Variants in MYH16 observed in about 807,000 individuals in gnomAD.
The protein encoded by MYH16 is putative uncharacterized protein MYH16.
chr7:99,309,366 GT>G (rs1562789731), downstream of MYH16, among the ~76,000 whole-genome samples: 12 of 152,156 alleles, frequency 7.9e-5, no homozygotes. Flanking sequence ...GTCAGTTTGG[GT>G]TTTGGCCAAA....
chr7:99,258,397 C>T, intron 11 of MYH16: 1 of 155,846 alleles, frequency 6.4e-6, no homozygotes. Flanking sequence ...TGAGGTGTGC[C>T]TGGCCTTGCA....
chr7:99,282,190 T>G (rs1243497393), intron 23 of MYH16, among the ~76,000 whole-genome samples: 1 of 95,620 alleles, frequency 1.0e-5, no homozygotes, highest in Non-Finnish European at 1.7e-5. Context: ...ACCCAGCTAA[T>G]TTTTTTTGTA....
intron 32 of MYH16, among the ~76,000 whole-genome samples, chr7:99,293,734 C>T (rs777772500): frequency 6.6e-6 from 1 of 152,198 alleles, no homozygotes; most frequent in Non-Finnish European, 1.5e-5. Flanking sequence ...CCAGAACAAA[C>T]ATTTCGTTTG....
At chr7:99,287,725 T>C in intron 28 of MYH16, 167 bp from the exon 10 acceptor site, 1 of 356,510 alleles carries the variant, frequency 2.8e-6, no homozygotes, top group Non-Finnish European at 5.6e-6. Flanking sequence ...TCTAAACAAA[T>C]CCTGTGGGCA....
intron 33 of MYH16, 111 bp from the exon 15 acceptor site, chr7:99,296,590 G>C: frequency 2.5e-6 from 1 of 407,528 alleles, no homozygotes; most frequent in South Asian, 1.8e-5. Context: ...GGAGTCCGTA[G>C]TCTCAAGAGT....
At chr7:99,249,577 T>G (rs1327892343) in intron 4 of MYH16, among the ~76,000 whole-genome samples, 1 of 139,256 alleles carries the variant, frequency 7.2e-6, no homozygotes, top group Non-Finnish European at 1.5e-5. Flanking sequence ...GTGCTGTTTT[T>G]TTTTTTTTTT....
At chr7:99,304,147 G>A (rs1257970108) in intron 39 of MYH16, among the ~76,000 whole-genome samples, 2 of 152,172 alleles carry the variant, frequency 1.3e-5, no homozygotes, top group East Asian at 1.9e-4. Context: ...GCCCATGTCC[G>A]GCCCACGGTA....
chr7:99,303,900 T>C (rs549695291), intron 39 of MYH16, among the ~76,000 whole-genome samples: 3 of 152,208 alleles, frequency 2.0e-5, no homozygotes, highest in Non-Finnish European at 2.9e-5. Flanking sequence ...GAGGAGGACA[T>C]TGGTGGATGA....
intron 36 of MYH16, among the ~76,000 whole-genome samples, chr7:99,298,765 C>A (rs1372154661): frequency 7.9e-6 from 1 of 126,238 alleles, no homozygotes; most frequent in Non-Finnish European, 1.5e-5. Context: ...GTTGTCTTGT[C>A]GCTTTTTTTT....
At chr7:99,268,173 CTGTT>C (rs999788080) in intron 18 of MYH16, among the ~76,000 whole-genome samples, 1 of 152,210 alleles carries the variant, frequency 6.6e-6, no homozygotes, top group African/African-American at 2.4e-5. Flanking sequence ...CCTGCTGGAA[CTGTT>C]TGTTTTGGCA....
chr7:99,248,161 A>G (rs1170053682), intron 3 of MYH16, among the ~76,000 whole-genome samples: 3 of 151,842 alleles, frequency 2.0e-5, no homozygotes. Context: ...CTGGAGTGCA[A>G]TGGTGCAATA....
exon 22 of MYH16, chr7:99,279,674 C>T (rs1238809200): frequency 4.4e-6 from 2 of 456,538 alleles, no homozygotes; most frequent in Admixed American, 2.3e-5. Context: ...GGGAGCTGAG[C>T]GACCTGAAGC....
intron 2 of MYH16, among the ~76,000 whole-genome samples, chr7:99,246,721 A>G (rs1791735920): frequency 6.6e-6 from 1 of 151,926 alleles, no homozygotes. Context: ...TATAAATAAA[A>G]AAAACCATGG....
chr7:99,278,149 C>A (rs1289626788), intron 21 of MYH16, among the ~76,000 whole-genome samples: 1 of 152,036 alleles, frequency 6.6e-6, no homozygotes, highest in East Asian at 1.9e-4. Context: ...TACTATGTTG[C>A]CCAGGCTTGT....
intron 28 of MYH16, 144 bp from the exon 10 acceptor site, chr7:99,287,748 C>A: frequency 2.8e-6 from 1 of 361,276 alleles, no homozygotes; most frequent in East Asian, 7.4e-5. Flanking sequence ...CCCCACCCCC[C>A]AAAGGCTAAA....
chr7:99,261,180 T>G (rs2150811551), intron 12 of MYH16: 1 of 152,288 alleles, frequency 6.6e-6, no homozygotes, highest in Admixed American at 6.5e-5. Context: ...GGATTAGCAT[T>G]TGGGGAGCTA....
At chr7:99,255,460 G>A (rs1791859700) in intron 8 of MYH16, 1 of 136,348 alleles carries the variant, frequency 7.3e-6, no homozygotes, top group South Asian at 2.7e-4. Flanking sequence ...GAAAGAGAGA[G>A]AGAGAAAGAG....
At chr7:99,246,230 A>G (rs1791727904) in intron 2 of MYH16, among the ~76,000 whole-genome samples, 1 of 148,118 alleles carries the variant, frequency 6.8e-6, no homozygotes, top group Non-Finnish European at 1.5e-5. Context: ...GAAAGAAAAG[A>G]AAAAAAAAAG....
Position 99,306,012 on chromosome 7 carries a change from C to T in MYH16, n.5611C>T. ...AGAAGCTTCAGAACAAGCTGAAGGT[C>T]TACAAGAGGCAGATTGAGGAGGCGG... On this transcript the variant is annotated non_coding_transcript_exon_variant, in exon 41 of 42. Transcript: ENST00000439784. 1.3e-5 allele frequency: 2 copies of T among 152,760 alleles called. 1 individual carries two copies. The allele number at this position is 152,760 out of a possible 1,614,324, so 9.5% of individuals were successfully genotyped here.
Sources: gnomAD v4.1 joint callset for allele counts (sites outside exome capture counted in the v4.1 genomes callset) on GRCh38, gnomAD v4.1.1 for gene constraint, MANE v1.5 for transcripts, NCBI Gene and HGNC (gene_info 2026-07-23, HGNC 2026-07-21) for gene names.